IMMP2L: variants seen among roughly 807,000 people sequenced by gnomAD.
IMMP2L encodes the protein mitochondrial inner membrane protease subunit 2.
Under a neutral mutation model 19.3 loss-of-function variants are expected in IMMP2L, and 18 were observed. The observed-to-expected ratio is 0.93, with a 90% CI of 0.64 to 1.38. The LOEUF (loss-of-function observed/expected upper bound fraction) is 1.38, where lower values mean the gene tolerates loss of function less well. Ranked by LOEUF, IMMP2L falls within the 40% of genes most tolerant of loss-of-function variation. The probability of loss-of-function intolerance (pLI) is 0.00; values close to 1 mark genes in which losing one functional copy is unlikely to be tolerated. For synonymous variants in IMMP2L, 76 were observed against 73.0 expected (o/e 1.04, Z -0.21); for missense variants, 233 against 218.2 (o/e 1.07, Z -0.43).
intron 3 of IMMP2L, among the ~76,000 whole-genome samples, chr7:110,963,989 TCCCTCATGTTGTTC>T (rs374315250): frequency 0.68 from 103,350 of 151,642 alleles, 36,165 homozygotes; most frequent in African/African-American, 0.82. Flanking sequence ...GGGGTTGGAT[TCCCTCATGTTGTTC>T]TCCCTCATGT....
intron 3 of IMMP2L, among the ~76,000 whole-genome samples, chr7:111,392,468 A>G (rs550349044): frequency 1.3e-5 from 2 of 152,096 alleles, no homozygotes; most frequent in Non-Finnish European, 2.9e-5. Flanking sequence ...ACCTCCCTCC[A>G]GTTTTCCTGG....
rs2130266678 is a variant in IMMP2L, at chr7:110,666,464, TG to T, written c.409-2744del. Among the ~76,000 whole-genome samples, 2 of 151,758 alleles carry T rather than the reference TG, an allele frequency of 1.3e-5. 1 individual carries two copies. The highest frequency in any genetic ancestry group is 4.2e-4 in the South Asian group (2 of 4,792). ...TAATTTTTTGTATTTTTAGTAGAGATGGGGTTTCACCATGTTGGCCAGGATG... is the reference window on the plus strand; with the variant it reads ...TAATTTTTTGTATTTTTAGTAGAGATGGGTTTCACCATGTTGGCCAGGATG... On this transcript the variant is annotated intron_variant, in intron 5 of 5. Transcript: ENST00000405709.
At chr7:110,955,387 A>T (rs907578006) in intron 4 of IMMP2L, among the ~76,000 whole-genome samples, 2 of 151,958 alleles carry the variant, frequency 1.3e-5, no homozygotes, top group African/African-American at 4.8e-5. Flanking sequence ...TAGAGGTAAC[A>T]TCAGAGGGAT....
rs368781137 is a variant in IMMP2L, at chr7:110,663,646, C to G, written c.484G>C (p.Val162Leu). 5.6e-6 allele frequency: 9 copies of G among 1,612,152 alleles called. No homozygotes were observed. The East Asian group carries it at 6.7e-5, about 12-fold the overall frequency. Residue 162 changes from valine (V) to leucine (L), a missense_variant, in exon 6 of 6, where the codon GTT (valine) becomes CTT (leucine). Val to Leu is a conservative substitution (Grantham distance 32). Coordinates refer to ENST00000405709, the MANE Select transcript of IMMP2L (RefSeq NM_032549.4). ...PPERWQKLESVLPPERLPVQR... is the reference protein window; with the variant it reads ...PPERWQKLESLLPPERLPVQR... ...ACTGGTAAGCGCTCTGGAGGAAGAACAGATTCCAATTTCTGCCAGCGCTCT... is the reference window on the plus strand; with the variant it reads ...ACTGGTAAGCGCTCTGGAGGAAGAAGAGATTCCAATTTCTGCCAGCGCTCT...
intron 3 of IMMP2L, among the ~76,000 whole-genome samples, chr7:111,045,490 G>A (rs890165181): frequency 2.0e-5 from 3 of 152,140 alleles, no homozygotes; most frequent in South Asian, 2.1e-4. Context: ...AACTGCCTGT[G>A]GCTTTCTACT....
intron 3 of IMMP2L, among the ~76,000 whole-genome samples, chr7:111,421,171 T>C (rs1835483232): frequency 6.6e-6 from 1 of 151,888 alleles, no homozygotes; most frequent in Non-Finnish European, 1.5e-5. Context: ...ATGATGACCA[T>C]TTTTTCATGT....
chr7:111,553,025 C>T (rs1295749664), intron 1 of IMMP2L, among the ~76,000 whole-genome samples: 1 of 152,108 alleles, frequency 6.6e-6, no homozygotes, highest in Non-Finnish European at 1.5e-5. Flanking sequence ...TATAAAACTT[C>T]CACTCCTGCT....
At chr7:110,873,471 C>G (rs1417044093) in intron 5 of IMMP2L, among the ~76,000 whole-genome samples, 1 of 119,664 alleles carries the variant, frequency 8.4e-6, no homozygotes, top group Non-Finnish European at 1.8e-5. Context: ...TAAAAGAAAG[C>G]AGCATTTGTT....
intron 3 of IMMP2L, among the ~76,000 whole-genome samples, chr7:111,030,295 A>C (rs758541436): frequency 6.6e-6 from 1 of 152,128 alleles, no homozygotes; most frequent in African/African-American, 2.4e-5. Context: ...AAAAGCCTAT[A>C]ATATGTGCTA....
chr7:111,254,934 A>G (rs1159005873), intron 3 of IMMP2L, among the ~76,000 whole-genome samples: 1 of 152,182 alleles, frequency 6.6e-6, no homozygotes. Context: ...TAGCAAACAT[A>G]TATGTAACTC....
intron 4 of IMMP2L, among the ~76,000 whole-genome samples, chr7:110,909,477 G>A (rs1812806294): frequency 6.6e-6 from 1 of 152,114 alleles, no homozygotes; most frequent in Non-Finnish European, 1.5e-5. Flanking sequence ...AAAGGTACTT[G>A]AGAAAACTTC....
In IMMP2L at chr7:111,222,452, A is replaced by C. The variant is rs373538502; in HGVS notation, c.240-258887T>G. On this transcript the variant is annotated intron_variant, in intron 3 of 5. Coordinates refer to ENST00000405709, the MANE Select transcript of IMMP2L (RefSeq NM_032549.4). ...AGATGATTATTATCCAGAATATAAA[A>C]GGACACCTACACATCAACAGTATTT... is the stretch of plus-strand genomic sequence containing the variant. Among the ~76,000 whole-genome samples the C allele has an allele frequency of 1.3e-4, 20 of 152,132 alleles. No homozygotes were observed. In the East Asian group the frequency reaches 3.7e-3, roughly 28 times the overall value.
chr7:111,060,876 C>T (rs1563203059), intron 3 of IMMP2L, among the ~76,000 whole-genome samples: 2 of 152,204 alleles, frequency 1.3e-5, no homozygotes, highest in Non-Finnish European at 2.9e-5. Flanking sequence ...TTAGCTATTT[C>T]ACTTACTTAG....
chr7:110,977,457 A>C (rs1281762083), intron 3 of IMMP2L, among the ~76,000 whole-genome samples: 1 of 152,138 alleles, frequency 6.6e-6, no homozygotes, highest in Admixed American at 6.5e-5. Flanking sequence ...AATAAATTAT[A>C]ATGGAGAGTT....
intron 5 of IMMP2L, among the ~76,000 whole-genome samples, chr7:110,719,506 C>A (rs959899636): frequency 9.9e-5 from 15 of 152,066 alleles, no homozygotes; most frequent in African/African-American, 1.4e-4. Context: ...TGGAAAAAAA[C>A]CCCATTATTA....
chr7:110,856,274 C>A (rs1412774513), intron 5 of IMMP2L, among the ~76,000 whole-genome samples: 2 of 151,746 alleles, frequency 1.3e-5, no homozygotes, highest in African/African-American at 2.4e-5. Flanking sequence ...TTTTTTAAGA[C>A]AAGGGGTCCA....
At chr7:111,282,308 G>A (rs1819976721) in intron 3 of IMMP2L, among the ~76,000 whole-genome samples, 2 of 152,138 alleles carry the variant, frequency 1.3e-5, no homozygotes, top group Admixed American at 1.3e-4. Flanking sequence ...AGCAAATGAA[G>A]AAATATCTGT....
At position 111,368,426 on chromosome 7, in the gene IMMP2L, C is replaced by T. The variant is rs1829986157; in HGVS notation, c.239+118812G>A. ...CCAAGTTCAGTCAGTCAGACACATTCTCTCAAGACTTAGTGTATTAAGCAG... is the reference window on the plus strand; with the variant it reads ...CCAAGTTCAGTCAGTCAGACACATTTTCTCAAGACTTAGTGTATTAAGCAG... On this transcript the variant is annotated intron_variant, in intron 3 of 5. Coordinates refer to ENST00000405709, the MANE Select transcript of IMMP2L (RefSeq NM_032549.4). Among the ~76,000 whole-genome samples the T allele has an allele frequency of 2.0e-5, 3 of 152,064 alleles. No individual in the cohort carries two copies. The South Asian group carries it at 6.2e-4, about 32-fold the overall frequency.
chr7:111,281,204 A>AG (rs1819781392), intron 3 of IMMP2L, among the ~76,000 whole-genome samples: 2 of 49,306 alleles, frequency 4.1e-5, no homozygotes, highest in Admixed American at 2.2e-4. Flanking sequence ...GAAAGAAAGA[A>AG]AGAAAGAAAG....
Sources: gnomAD v4.1 joint callset for allele counts (sites outside exome capture counted in the v4.1 genomes callset) on GRCh38, gnomAD v4.1.1 for gene constraint, MANE v1.5 for transcripts, NCBI Gene and HGNC (gene_info 2026-07-23, HGNC 2026-07-21) for gene names.